The following ACO1 variants were observed in gnomAD, a reference collection of about 807,000 sequenced individuals.
The protein encoded by ACO1 is cytoplasmic aconitate hydratase.
A neutral mutation model predicts 105.1 loss-of-function variants in ACO1; 78 were observed. That is an observed-to-expected ratio of 0.74 (90% CI 0.62 to 0.90). The LOEUF (loss-of-function observed/expected upper bound fraction) is 0.90. Among genes scored for constraint, ACO1 ranks in the 40% least tolerant of loss-of-function variants. The pLI is 0.00. For synonymous variants in ACO1, 364 were observed against 397.4 expected, an observed-to-expected ratio of 0.92 and a Z score of 1.00; for missense variants, 965 against 1,111.1, an observed-to-expected ratio of 0.87 and a Z score of 1.87.
intron 19 of ACO1, among the ~76,000 whole-genome samples, chr9:32,448,009 G>C (rs1455061925): frequency 6.6e-6 from 1 of 152,140 alleles, no homozygotes; most frequent in East Asian, 1.9e-4. Flanking sequence ...TTCCAGTCAG[G>C]ATACATGGGG....
At chr9:32,407,170 C>A in intron 2 of ACO1, 91 bp from the exon 3 acceptor site, 1 of 1,148,672 alleles carries the variant, frequency 8.7e-7, no homozygotes, top group Admixed American at 2.0e-5. Flanking sequence ...TAGTCTGATG[C>A]CTCATATCAA....
At chr9:32,395,120 G>C (rs567787085) in intron 1 of ACO1, among the ~76,000 whole-genome samples, 87 of 152,316 alleles carry the variant, frequency 5.7e-4, no homozygotes, top group African/African-American at 2.0e-3. Context: ...AACTGGACCT[G>C]CTTTGTAATA....
At chr9:32,396,789 G>C (rs1374687961) in intron 1 of ACO1, among the ~76,000 whole-genome samples, 1 of 152,168 alleles carries the variant, frequency 6.6e-6, no homozygotes, top group African/African-American at 2.4e-5. Flanking sequence ...GTTCCCTGAT[G>C]TATCACCAGG....
In ACO1 at chr9:32,436,301, C is replaced by T. The variant is rs200238592; in HGVS notation, c.2151C>T (p.Ala717=). The change falls in exon 18 of 21, where the codon GCC becomes GCT. Residue 717 remains alanine, a synonymous_variant. Coordinates refer to ENST00000309951, the MANE Select transcript of ACO1 (RefSeq NM_002197.3). Reference sequence around the variant, plus strand: ...ATGGCTCCCGCCGAGGTAATGACGCCGTCATGGCACGGGGAACATTTGCCA... The same window carrying T: ...ATGGCTCCCGCCGAGGTAATGACGCTGTCATGGCACGGGGAACATTTGCCA... ...NSYGSRRGND[A]VMARGTFANI... is the part of the protein sequence containing the mutation. 9.9e-6 allele frequency: 16 copies of T among 1,613,988 alleles called. No homozygotes were observed. Among genetic ancestry groups the T allele is most frequent in the African/African-American group, 2.7e-5 (2 of 74,894 alleles).
Position 32,419,018 on chromosome 9 carries a change from G to A in ACO1, c.659-20G>A, listed in dbSNP as rs372314570. The A allele has an allele frequency of 1.3e-5, 20 of 1,568,206 alleles. No individual in the cohort carries two copies. Among genetic ancestry groups the A allele is most frequent in the African/African-American group, 1.2e-4 (9 of 73,382 alleles). The stretch of plus-strand genomic sequence containing the variant: ...TAAGGGGTAATGAAGGCATTCTTCC[G>A]GTCATGCCGTTCATTGCAGGTGTCG... On this transcript the variant is annotated intron_variant, in intron 6 of 20. Coordinates refer to ENST00000309951, the MANE Select transcript of ACO1 (RefSeq NM_002197.3).
At chr9:32,444,705 G>A (rs1822560457) in intron 19 of ACO1, among the ~76,000 whole-genome samples, 1 of 152,136 alleles carries the variant, frequency 6.6e-6, no homozygotes, top group Admixed American at 6.5e-5. Flanking sequence ...GTTTTCAAAT[G>A]GAATGCTTCC....
intron 19 of ACO1, among the ~76,000 whole-genome samples, chr9:32,441,226 C>T (rs1449739671): frequency 6.6e-6 from 1 of 152,174 alleles, no homozygotes; most frequent in Non-Finnish European, 1.5e-5. Flanking sequence ...GGGGCTCTAC[C>T]TCTTGAGGTG....
intron 19 of ACO1, among the ~76,000 whole-genome samples, chr9:32,445,054 A>G (rs1382726505): frequency 6.6e-6 from 1 of 152,188 alleles, no homozygotes; most frequent in Non-Finnish European, 1.5e-5. Flanking sequence ...GATGTTCATC[A>G]GGGATATTGG....
In ACO1 at chr9:32,398,795, A is replaced by G. The variant is rs116901598; in HGVS notation, c.-22-6690A>G. On this transcript the variant is annotated intron_variant, in intron 1 of 20. Transcript: ENST00000309951. ...TTTTTTGTAGAGACATGGTCTCGCT[A>G]TGTTGCCCAGGCTGGTCTCAAACTC... 1.8e-4 allele frequency among the ~76,000 whole-genome samples: 27 copies of G among 152,062 alleles called. No individual in the cohort carries two copies. The East Asian group carries it at 3.1e-3, about 17-fold the overall frequency.
intron 15 of ACO1, among the ~76,000 whole-genome samples, chr9:32,432,241 TAAA>T (rs1822255485): frequency 6.6e-6 from 1 of 152,132 alleles, no homozygotes; most frequent in South Asian, 2.1e-4. Context: ...TTTGCACACT[TAAA>T]AATAAAGAAA....
chr9:32,441,936 C>G (rs530240922), intron 19 of ACO1, among the ~76,000 whole-genome samples: 7 of 152,302 alleles, frequency 4.6e-5, no homozygotes, highest in African/African-American at 1.7e-4. Context: ...TTACACAGAG[C>G]TAGTGACATG....
Position 32,427,433 on chromosome 9 carries a change from T to C in ACO1, c.1481T>C (p.Leu494Pro). 1 of 1,614,230 alleles carries C rather than the reference T, an allele frequency of 6.2e-7. No individual in the cohort carries two copies. The highest frequency in any genetic ancestry group is 8.5e-7 in the Non-Finnish European group (1 of 1,180,038). ...GGAGTCATGCCTTATCTGTCTCAGC[T>C]TGGGTGAGGGAGAGTTTTCTTTTGC... ...ESGVMPYLSQ[L>P]GFDVVGYGCM... The change falls in exon 12 of 21, where the codon CTT (leucine) becomes CCT (proline). Residue 494 changes from leucine (L) to proline (P), a missense_variant. Coordinates refer to ENST00000309951, the MANE Select transcript of ACO1 (RefSeq NM_002197.3).
intron 1 of ACO1, among the ~76,000 whole-genome samples, chr9:32,398,787 G>T (rs963672719): frequency 1.2e-4 from 18 of 151,896 alleles, no homozygotes; most frequent in Non-Finnish European, 2.4e-4. Flanking sequence ...TAGAGACATG[G>T]TCTCGCTATG....
intron 11 of ACO1, among the ~76,000 whole-genome samples, chr9:32,426,941 A>G (rs770168716): frequency 6.6e-6 from 1 of 151,754 alleles, no homozygotes; most frequent in Non-Finnish European, 1.5e-5. Context: ...GATGATTTTC[A>G]TCCAAATAAA....
rs771452701 is a variant in ACO1 at position 32,440,571 on chromosome 9, A to G, written c.2354A>G (p.Lys785Arg). The G allele has an allele frequency of 2.9e-5, 46 of 1,613,820 alleles. No homozygotes were observed. Among genetic ancestry groups the G allele is most frequent in the Non-Finnish European group, 3.8e-5 (45 of 1,179,904 alleles). Residue 785 changes from lysine (K) to arginine (R), a missense_variant, in exon 19 of 21, where the codon AAG (lysine) becomes AGG (arginine). Coordinates refer to ENST00000309951, the MANE Select transcript of ACO1 (RefSeq NM_002197.3). The stretch of plus-strand genomic sequence containing the variant: ...GGCAGCTCCCGAGACTGGGCAGCTA[A>G]GGGCCCTTTCCTGCTGGTGAGTATG... ...GAGSSRDWAAKGPFLLGIKAV... is the reference protein window; with the variant it reads ...GAGSSRDWAARGPFLLGIKAV...
chr9:32,400,628 G>A lies in ACO1; in HGVS notation c.-22-4857G>A, dbSNP rs577254512. On this transcript the variant is annotated intron_variant, in intron 1 of 20. Transcript: ENST00000309951. Reference sequence around the variant, plus strand: ...GCATTTGTAGTTCCAGGAACTTTACGGACCATTCTATCTTTCTTTCAAAGG... The same window carrying A: ...GCATTTGTAGTTCCAGGAACTTTACAGACCATTCTATCTTTCTTTCAAAGG... Among the ~76,000 whole-genome samples, 21 of 152,234 alleles carry A rather than the reference G, an allele frequency of 1.4e-4. No individual in the cohort carries two copies. In the South Asian group the frequency reaches 2.7e-3, roughly 20 times the overall value.
At chr9:32,430,772 G>A (rs1002866892) in intron 14 of ACO1, among the ~76,000 whole-genome samples, 198 bp downstream of exon 14, 1 of 152,180 alleles carries the variant, frequency 6.6e-6, no homozygotes, top group South Asian at 2.1e-4. Context: ...GAGGGTAAAG[G>A]ATAACGAAAG....
intron 13 of ACO1, among the ~76,000 whole-genome samples, chr9:32,430,209 C>T (rs1329816787): frequency 6.6e-6 from 1 of 152,184 alleles, no homozygotes; most frequent in East Asian, 1.9e-4. Context: ...GAGCAGAAAT[C>T]ACTAAACATG....
chr9:32,431,678 A>T, intron 14 of ACO1, 41 bp from the exon 15 acceptor site: 1 of 1,610,818 alleles, frequency 6.2e-7, no homozygotes, highest in Non-Finnish European at 8.5e-7. Context: ...TGAAAATTGC[A>T]TATTAGAAAG....
Sources: allele counts gnomAD v4.1 joint callset (sites outside exome capture counted in the v4.1 genomes callset), GRCh38; gene constraint gnomAD v4.1.1; transcripts MANE v1.5; gene names NCBI Gene and HGNC (gene_info 2026-07-23, HGNC 2026-07-21).